The following BTBD2 variants were observed in gnomAD, a reference collection of about 807,000 sequenced individuals.
BTBD2 encodes the protein BTB/POZ domain-containing protein 2.
A neutral mutation model predicts 44.0 loss-of-function variants in BTBD2; 15 were observed. That is an observed-to-expected ratio of 0.34 (90% CI 0.23 to 0.53). BTBD2 has a LOEUF of 0.53. Among genes scored for constraint, BTBD2 ranks in the 20% least tolerant of loss-of-function variants. The pLI is 0.95. For synonymous variants in BTBD2, 443 were observed against 335.9 expected (o/e 1.32, Z -3.49); for missense variants, 657 against 746.4 (o/e 0.88, Z 1.39).
Position 1,986,588 on chromosome 19 carries a change from G to T in BTBD2, c.1478C>A (p.Thr493Lys), listed in dbSNP as rs755413359. ...AAAGGTGAAGCAGGTCTTGGCGCCC[G>T]TGGTGGGCGACTCGTGTGTCACCTT... ...LRKVTHESPT[T>K]GAKTCFTFCY... Residue 493 changes from threonine (T) to lysine (K), a missense_variant, in exon 9 of 9, where the codon ACG (threonine) becomes AAG (lysine). Physicochemically the swap from Thr to Lys is moderately conservative, Grantham distance 78. Around this residue, in one of 3 missense-constraint regions of BTBD2, gnomAD observed 449 missense variants for 510.9 expected, o/e 0.88. Transcript: ENST00000255608. The T allele has an allele frequency of 2.5e-6, 4 of 1,614,030 alleles. No homozygotes were observed. The highest frequency in any genetic ancestry group is 2.5e-6 in the Non-Finnish European group (3 of 1,179,942).
chr19:1,987,567 A>C lies in BTBD2; in HGVS notation c.1114T>G (p.Cys372Gly). Reference sequence around the variant, plus strand: ...ACCTGCTGGAAGCGGTTGATGCTGCACTCCTTCCCACGCAGGCAGCAGCGG... The same window carrying C: ...ACCTGCTGGAAGCGGTTGATGCTGCCCTCCTTCCCACGCAGGCAGCAGCGG... Reference protein sequence around the residue: ...RPRCCLRGKECSINRFQQVES... With the variant: ...RPRCCLRGKEGSINRFQQVES... The change falls in exon 6 of 9, where the codon TGC becomes GGC. Residue 372 changes from cysteine to glycine, a missense_variant. Around this residue, in one of 3 missense-constraint regions of BTBD2, gnomAD observed 449 missense variants for 510.9 expected, o/e 0.88. Transcript: ENST00000255608. 6.2e-7 allele frequency: 1 copy of C among 1,610,746 alleles called. No homozygotes were observed. The highest frequency in any genetic ancestry group is 8.5e-7 in the Non-Finnish European group (1 of 1,179,056).
chr19:1,987,148 G>A lies in BTBD2; in HGVS notation c.1269+18C>T. ...ATGGGCCTGAGTGGGGCCTGGGGAT[G>A]AGGCTTGGGGCTGGTACCTGGATGT... On this transcript the variant is annotated intron_variant, in intron 7 of 8. Coordinates refer to ENST00000255608, the MANE Select transcript of BTBD2 (RefSeq NM_017797.4). The A allele has an allele frequency of 6.2e-7, 1 of 1,612,394 alleles. No homozygotes were observed.
chr19:2,015,218 G>A (rs2016518344), intron 1 of BTBD2, 79 bp downstream of exon 1: 1 of 1,449,342 alleles, frequency 6.9e-7, no homozygotes, highest in Non-Finnish European at 9.1e-7. Flanking sequence ...GGGACAGAGG[G>A]GTGCAGGGCC....
At chr19:1,994,684 G>A (rs1477986214) in intron 2 of BTBD2, among the ~76,000 whole-genome samples, 2 of 151,588 alleles carry the variant, frequency 1.3e-5, no homozygotes, top group Non-Finnish European at 3.0e-5. Flanking sequence ...ACTTGAACCC[G>A]GGAGGCAGAG....
chr19:2,012,635 C>T (rs779827920), intron 1 of BTBD2, among the ~76,000 whole-genome samples: 15 of 152,318 alleles, frequency 9.8e-5, no homozygotes, highest in Admixed American at 9.2e-4. Context: ...CCCCTAACCC[C>T]GCATGTCGAG....
intron 1 of BTBD2, among the ~76,000 whole-genome samples, chr19:2,006,896 C>T (rs754915372): frequency 2.8e-4 from 43 of 152,068 alleles, no homozygotes; most frequent in Admixed American, 4.6e-4. Flanking sequence ...CTCACTCTAT[C>T]GCCCAGGCTG....
intron 1 of BTBD2, among the ~76,000 whole-genome samples, chr19:2,009,033 T>TC (rs1458042384): frequency 2.0e-5 from 3 of 151,584 alleles, no homozygotes; most frequent in South Asian, 4.2e-4. Flanking sequence ...TTTTTTTTTT[T>TC]TCCAAGACAG....
Position 1,989,997 on chromosome 19 carries a change from CTG to C in BTBD2, c.988+5_988+6del, listed in dbSNP as rs1378829981. 9 of 1,613,090 alleles carry C rather than the reference CTG, an allele frequency of 5.6e-6. No homozygotes were observed. Among genetic ancestry groups the C allele is most frequent in the East Asian group, 4.5e-5 (2 of 44,876 alleles). On this transcript the variant is annotated splice_donor_5th_base_variant and intron_variant, in intron 5 of 8. Transcript: ENST00000255608. ...CCAAACCAGCCCCTGAGCCCGAGCT[CTG>C]TTACCTGCAGCGAACTCCTCGATGG...
intron 1 of BTBD2, among the ~76,000 whole-genome samples, chr19:2,004,695 C>T (rs1291940096): frequency 1.3e-5 from 2 of 151,560 alleles, no homozygotes; most frequent in Non-Finnish European, 2.9e-5. Context: ...AAAATAAAAT[C>T]AGGCCAGGAG....
At chr19:2,006,849 C>G (rs1034575906) in intron 1 of BTBD2, among the ~76,000 whole-genome samples, 3 of 151,872 alleles carry the variant, frequency 2.0e-5, no homozygotes, top group African/African-American at 7.2e-5. Flanking sequence ...CCACCATGCC[C>G]AGCTAATTTT....
chr19:2,013,921 G>A (rs1599363535), intron 1 of BTBD2: 1 of 150,684 alleles, frequency 6.6e-6, no homozygotes, highest in Non-Finnish European at 1.5e-5. Flanking sequence ...GTGGTCATGG[G>A]TGGGGGTGGA....
chr19:2,001,267 G>A lies in BTBD2; in HGVS notation c.408-3804C>T, dbSNP rs186388738. ...AATCCCAGCACTTTGGGGGGCCGAG[G>A]CAGTGGATCACGAGGTCAGGAGATC... On this transcript the variant is annotated intron_variant, in intron 1 of 8. Coordinates refer to ENST00000255608, the MANE Select transcript of BTBD2 (RefSeq NM_017797.4). Among the ~76,000 whole-genome samples the A allele has an allele frequency of 4.4e-3, 663 of 152,172 alleles. 4 individuals are homozygous for A. Among genetic ancestry groups the A allele is most frequent in the Admixed American group, 6.4e-3 (98 of 15,262 alleles).
rs376264168 is a variant in BTBD2, at chr19:2,004,965, G to A, written c.408-7502C>T. On this transcript the variant is annotated intron_variant, in intron 1 of 8. Coordinates refer to ENST00000255608, the MANE Select transcript of BTBD2 (RefSeq NM_017797.4). ...CTCCCGAGTAGCTGGGACTACAGGCGCCCACCACCACGCCCGGCTAATTTT... is the reference window on the plus strand; with the variant it reads ...CTCCCGAGTAGCTGGGACTACAGGCACCCACCACCACGCCCGGCTAATTTT... Among the ~76,000 whole-genome samples, 7 of 151,812 alleles carry A rather than the reference G, an allele frequency of 4.6e-5. No individual in the cohort carries two copies. The East Asian group carries it at 7.9e-4, about 17-fold the overall frequency.
chr19:1,990,165 C>T lies in BTBD2; in HGVS notation c.827G>A (p.Gly276Asp). Reference protein sequence around the residue: ...LVAVLERDTLGIREVRLFNAV... With the variant: ...LVAVLERDTLDIREVRLFNAV... ...ATTGAACAGCCGCACCTCACGGATG[C>T]CCAGTGTGTCGCGCTCCAGGACAGC... Residue 276 changes from glycine to aspartate, a missense_variant, in exon 5 of 9, where the codon GGC becomes GAC. This residue lies in a region of BTBD2 where 449 missense variants were observed against 510.9 expected (regional missense o/e 0.88). Coordinates refer to ENST00000255608, the MANE Select transcript of BTBD2 (RefSeq NM_017797.4). 6.2e-7 allele frequency: 1 copy of T among 1,609,172 alleles called. No individual in the cohort carries two copies. Among genetic ancestry groups the T allele is most frequent in the African/African-American group, 1.3e-5 (1 of 74,954 alleles).
rs1250915193 is a variant in BTBD2, at chr19:1,986,794, A to C, written c.1416+36T>G. ...CCGGTGGCTTCAGGATGGGCCAGAG[A>C]CTCCCACGGAGGGACCCCTGTCCCC... On this transcript the variant is annotated intron_variant, in intron 8 of 8. Coordinates refer to ENST00000255608, the MANE Select transcript of BTBD2 (RefSeq NM_017797.4). The C allele has an allele frequency of 3.2e-6, 5 of 1,577,762 alleles. No individual in the cohort carries two copies. The South Asian group carries it at 5.7e-5, about 18-fold the overall frequency.
Position 1,986,209 on chromosome 19 carries a change from GC to G in BTBD2, c.*278del. ...CTGAGCTGCGGGTCCGTGGGCCCTG[GC>G]CCAGGCCGGCACAGCCCTGTCCCTA... On this transcript the variant is annotated 3_prime_UTR_variant, in exon 9 of 9. Transcript: ENST00000255608. The G allele has an allele frequency of 4.6e-6, 2 of 437,916 alleles. No individual in the cohort carries two copies. Among genetic ancestry groups the G allele is most frequent in the Admixed American group, 7.6e-5 (2 of 26,368 alleles). 27.1% of individuals were successfully genotyped at this position (437,916 alleles called of 1,614,324 possible). A position where few individuals can be genotyped will look rare whatever the true frequency, so the allele number is the denominator to read the frequency against.
intron 1 of BTBD2, among the ~76,000 whole-genome samples, chr19:2,004,135 C>A (rs1024641330): frequency 2.0e-5 from 3 of 152,042 alleles, no homozygotes; most frequent in African/African-American, 7.2e-5. Context: ...CCTTTCTGGA[C>A]TGAACCAATG....
chr19:1,987,307 G>T, intron 6 of BTBD2, 54 bp from the exon 7 acceptor site: 3 of 1,584,480 alleles, frequency 1.9e-6, no homozygotes, highest in Non-Finnish European at 2.6e-6. Context: ...AGCCTAAGGT[G>T]AGCTGGGGCG....
chr19:1,987,876 AG>A (rs1485523380), intron 5 of BTBD2, 184 bp from the exon 6 acceptor site: 2 of 617,794 alleles, frequency 3.2e-6, no homozygotes, highest in African/African-American at 3.7e-5. Flanking sequence ...TTTTAGGGAG[AG>A]GTCCCAGGGC....
Sources: allele counts gnomAD v4.1 joint callset (sites outside exome capture counted in the v4.1 genomes callset), GRCh38; gene constraint gnomAD v4.1.1; regional missense constraint gnomAD v4.1.1; transcripts MANE v1.5; gene names NCBI Gene and HGNC (gene_info 2026-07-23, HGNC 2026-07-21).